The following SLC25A21 variants were observed in gnomAD, a reference collection of about 807,000 sequenced individuals.
SLC25A21 encodes the protein mitochondrial 2-oxodicarboxylate carrier.
SLC25A21 carries 47 observed loss-of-function variants against 43.8 expected under a neutral mutation model. The ratio of observed to expected loss-of-function variants is 1.07; its 90% CI spans 0.85 to 1.37. The LOEUF (loss-of-function observed/expected upper bound fraction) is 1.37. Among genes scored for constraint, SLC25A21 ranks in the 40% most tolerant of loss-of-function variants. The pLI, the probability that SLC25A21 is intolerant of heterozygous loss-of-function variation, is 0.00. For missense variants in SLC25A21, 352 were observed against 350.2 expected, an observed-to-expected ratio of 1.00 and a Z score of -0.04; for synonymous variants, 131 against 121.3, an observed-to-expected ratio of 1.08 and a Z score of -0.52.
intron 3 of SLC25A21, among the ~76,000 whole-genome samples, chr14:36,754,741 A>G (rs1885860079): frequency 6.6e-6 from 1 of 151,982 alleles, no homozygotes; most frequent in Non-Finnish European, 1.5e-5. Context: ...AAGAGAAAAA[A>G]AAAGAGATAA....
intron 1 of SLC25A21, among the ~76,000 whole-genome samples, chr14:36,928,834 C>T (rs1483149041): frequency 6.6e-6 from 1 of 152,086 alleles, no homozygotes; most frequent in African/African-American, 2.4e-5. Flanking sequence ...AGTTTGCCTA[C>T]TTGTTTAAAG....
rs7147277 is a variant in SLC25A21, at chr14:36,906,696, G to A, written c.71-31692C>T. Among the ~76,000 whole-genome samples the A allele has an allele frequency of 7.5e-3, 1,142 of 152,060 alleles. 24 individuals are homozygous for A. The highest frequency in any genetic ancestry group is 0.027 in the African/African-American group (1,099 of 41,468). On this transcript the variant is annotated intron_variant, in intron 1 of 9. Coordinates refer to ENST00000331299, the MANE Select transcript of SLC25A21 (RefSeq NM_030631.4). ...AATTTTTGTATTTTTAGTAGAGACG[G>A]GGTATCACCATGTTGGCCAGGATGG...
At chr14:37,126,762 C>A (rs1480287460) in intron 1 of SLC25A21, among the ~76,000 whole-genome samples, 2 of 152,170 alleles carry the variant, frequency 1.3e-5, no homozygotes, top group Admixed American at 1.3e-4. Context: ...GGAAAACATT[C>A]AGGGCATTCT....
intron 1 of SLC25A21, among the ~76,000 whole-genome samples, chr14:37,127,274 G>A (rs1313393461): frequency 6.6e-6 from 1 of 152,088 alleles, no homozygotes; most frequent in Non-Finnish European, 1.5e-5. Flanking sequence ...AGGTCACACA[G>A]CCATGTTGCA....
At chr14:36,816,330 G>C (rs1888453701) in intron 2 of SLC25A21, among the ~76,000 whole-genome samples, 1 of 152,070 alleles carries the variant, frequency 6.6e-6, no homozygotes, top group African/African-American at 2.4e-5. Flanking sequence ...ATTAGAAAGG[G>C]AGTATGGCAG....
chr14:36,775,076 C>T (rs1402565535), intron 3 of SLC25A21, among the ~76,000 whole-genome samples: 2 of 152,276 alleles, frequency 1.3e-5, no homozygotes, highest in East Asian at 1.9e-4. Context: ...CACACTCATT[C>T]TTATCTTCAT....
intron 1 of SLC25A21, among the ~76,000 whole-genome samples, chr14:37,163,825 TGTAA>T (rs1963989302): frequency 6.6e-6 from 1 of 152,188 alleles, no homozygotes; most frequent in Non-Finnish European, 1.5e-5. Flanking sequence ...ACAGTATTGT[TGTAA>T]GTATTATCTA....
At chr14:36,796,148 T>C (rs1031677747) in intron 3 of SLC25A21, among the ~76,000 whole-genome samples, 3 of 152,172 alleles carry the variant, frequency 2.0e-5, no homozygotes, top group Non-Finnish European at 4.4e-5. Flanking sequence ...ATTGATGTTC[T>C]AGGAAGAGAA....
intron 3 of SLC25A21, among the ~76,000 whole-genome samples, chr14:36,774,067 G>C (rs567918983): frequency 6.6e-5 from 10 of 152,302 alleles, no homozygotes; most frequent in Admixed American, 2.0e-4. Context: ...TTCCTCTATG[G>C]AGGGAACTTC....
chr14:36,956,109 G>A lies in SLC25A21; in HGVS notation c.71-81105C>T, dbSNP rs1239932342. Reference sequence around the variant, plus strand: ...TATATACGTATTATTTATGTTGGGAGTAGCTTTCTAAATGTCACCCAAATG... The same window carrying A: ...TATATACGTATTATTTATGTTGGGAATAGCTTTCTAAATGTCACCCAAATG... On this transcript the variant is annotated intron_variant, in intron 1 of 9. Transcript: ENST00000331299. Among the ~76,000 whole-genome samples the A allele has an allele frequency of 2.6e-5, 4 of 152,158 alleles. No individual in the cohort carries two copies. The East Asian group carries it at 5.8e-4, about 22-fold the overall frequency.
Position 37,071,238 on chromosome 14 carries a change from A to T in SLC25A21, c.70+101043T>A, listed in dbSNP as rs553758740. Among the ~76,000 whole-genome samples the T allele has an allele frequency of 1.5e-3, 222 of 152,352 alleles. 1 individual carries two copies. The highest frequency in any genetic ancestry group is 4.7e-3 in the African/African-American group (196 of 41,592). ...ATACATGGTATTGATGAAAATTTTT[A>T]AAAATGTTAAATTAATCCCACTGCA... On this transcript the variant is annotated intron_variant, in intron 1 of 9. Coordinates refer to ENST00000331299, the MANE Select transcript of SLC25A21 (RefSeq NM_030631.4).
At chr14:36,995,618 G>T (rs990912197) in intron 1 of SLC25A21, among the ~76,000 whole-genome samples, 1 of 152,124 alleles carries the variant, frequency 6.6e-6, no homozygotes, top group Non-Finnish European at 1.5e-5. Flanking sequence ...CTTTCCACTT[G>T]TCATTGCCCA....
chr14:36,890,644 T>C (rs1409641543), intron 1 of SLC25A21, among the ~76,000 whole-genome samples: 1 of 152,164 alleles, frequency 6.6e-6, no homozygotes, highest in Non-Finnish European at 1.5e-5. Flanking sequence ...CACCACAACA[T>C]CCATGAAGTA....
chr14:36,756,378 C>T (rs1025993283), intron 3 of SLC25A21, among the ~76,000 whole-genome samples: 12 of 152,158 alleles, frequency 7.9e-5, no homozygotes, highest in African/African-American at 2.7e-4. Context: ...ATCAAAGATG[C>T]ATAATTGAAG....
chr14:37,069,803 A>T (rs1962135547), intron 1 of SLC25A21, among the ~76,000 whole-genome samples: 1 of 152,250 alleles, frequency 6.6e-6, no homozygotes, highest in Admixed American at 6.5e-5. Context: ...CTTTTTATAC[A>T]AATGGCTGGG....
At chr14:36,915,304 T>C (rs1223278498) in intron 1 of SLC25A21, among the ~76,000 whole-genome samples, 7 of 152,158 alleles carry the variant, frequency 4.6e-5, no homozygotes, top group Non-Finnish European at 7.3e-5. Flanking sequence ...TGTAAAGCCA[T>C]GTCTAGAATT....
intron 3 of SLC25A21, among the ~76,000 whole-genome samples, chr14:36,806,510 TAA>T (rs79939586): frequency 2.6e-5 from 4 of 152,182 alleles, no homozygotes; most frequent in Non-Finnish European, 5.9e-5. Context: ...TATGTCAATT[TAA>T]AAAATCAATT....
In SLC25A21 at chr14:37,172,543, C is replaced by A; in HGVS notation, c.-193G>T. 1.4e-6 allele frequency: 1 copy of A among 725,260 alleles called. No individual in the cohort carries two copies. Among genetic ancestry groups the A allele is most frequent in the Non-Finnish European group, 2.5e-6 (1 of 402,536 alleles). 44.9% of individuals were successfully genotyped at this position (725,260 alleles called of 1,614,324 possible). On this transcript the variant is annotated 5_prime_UTR_variant, in exon 1 of 10. Transcript: ENST00000331299. Reference sequence around the variant, plus strand: ...ATTCGTCGCGCGATCTCCGGCGCGTCGGAACCTGTTCGCAGCGCTCTCGCA... The same window carrying A: ...ATTCGTCGCGCGATCTCCGGCGCGTAGGAACCTGTTCGCAGCGCTCTCGCA...
chr14:36,841,708 C>A (rs945210130), intron 2 of SLC25A21, among the ~76,000 whole-genome samples: 12 of 152,120 alleles, frequency 7.9e-5, no homozygotes, highest in African/African-American at 2.9e-4. Flanking sequence ...CAAGAACGTA[C>A]GGTGGTTCCC....
Sources: allele counts gnomAD v4.1 joint callset (sites outside exome capture counted in the v4.1 genomes callset), GRCh38; gene constraint gnomAD v4.1.1; transcripts MANE v1.5; gene names NCBI Gene and HGNC (gene_info 2026-07-23, HGNC 2026-07-21).